Variants in SH2D4B observed in about 807,000 individuals in gnomAD.
SH2D4B encodes SH2 domain containing 4B, also known as SH2 domain-containing protein 4B.
SH2D4B carries 45 observed loss-of-function variants against 61.5 expected under a neutral mutation model. The observed-to-expected ratio is 0.73, with a 90% CI of 0.58 to 0.94. The LOEUF is 0.94. Ranked by LOEUF, SH2D4B falls within the 40% of genes least tolerant of loss-of-function variation. The pLI is 0.00. For synonymous variants in SH2D4B, 224 were observed against 220.4 expected, an observed-to-expected ratio of 1.02 and a Z score of -0.14; for missense variants, 572 against 574.2, an observed-to-expected ratio of 1.00 and a Z score of 0.04.
intron 7 of SH2D4B, among the ~76,000 whole-genome samples, chr10:80,637,151 T>C (rs1840196651): frequency 6.6e-6 from 1 of 152,180 alleles, no homozygotes; most frequent in African/African-American, 2.4e-5. Flanking sequence ...GGTCTATATC[T>C]CTGTTTTGGT....
At position 80,609,536 on chromosome 10, in the gene SH2D4B, G is replaced by A. The variant is rs527861608; in HGVS notation, c.973G>A (p.Ala325Thr). ...AGFERNTKFI[A>T]PWFHGIISRE... ...CTTCGAGAGGAACACCAAGTTCATCGCCCCCTGGTTCCATGGTAGCACCAT... is the reference window on the plus strand; with the variant it reads ...CTTCGAGAGGAACACCAAGTTCATCACCCCCTGGTTCCATGGTAGCACCAT... The change falls in exon 6 of 8, where the codon GCC becomes ACC. Residue 325 changes from alanine to threonine, a missense_variant. Coordinates refer to ENST00000646907, the MANE Select transcript of SH2D4B (RefSeq NM_001388272.1). 4.5e-5 allele frequency: 72 copies of A among 1,614,176 alleles called. No individual in the cohort carries two copies. Among genetic ancestry groups the A allele is most frequent in the Middle Eastern group, 1.7e-4 (1 of 6,060 alleles).
intron 4 of SH2D4B, among the ~76,000 whole-genome samples, chr10:80,600,529 G>A (rs975830654): frequency 3.4e-5 from 4 of 118,726 alleles, no homozygotes; most frequent in Non-Finnish European, 7.8e-5. Context: ...GCATGTGTGT[G>A]TGTGTGTGTG....
intron 3 of SH2D4B, among the ~76,000 whole-genome samples, chr10:80,580,585 TCTC>T (rs1263820182): frequency 2.6e-5 from 4 of 152,108 alleles, no homozygotes; most frequent in Admixed American, 1.3e-4. Context: ...GCAAGTCTGA[TCTC>T]CTCTCCCATC....
Position 80,606,513 on chromosome 10 carries a change from A to AT in SH2D4B, c.860+2724dup, listed in dbSNP as rs907736955. 1.3e-4 allele frequency among the ~76,000 whole-genome samples: 19 copies of AT among 151,912 alleles called. 1 individual carries two copies. The South Asian group carries it at 2.3e-3, about 18-fold the overall frequency. Reference sequence around the variant, plus strand: ...AGGCGCGCGCCAGTACACCCGGCTAATTTTTTGTATTTTTAGTAGAGATAG... The same window carrying AT: ...AGGCGCGCGCCAGTACACCCGGCTAATTTTTTTGTATTTTTAGTAGAGATAG... On this transcript the variant is annotated intron_variant, in intron 5 of 7. Transcript: ENST00000646907.
At chr10:80,577,616 C>T (rs184141860) in intron 3 of SH2D4B, among the ~76,000 whole-genome samples, 47 of 151,818 alleles carry the variant, frequency 3.1e-4, no homozygotes, top group Middle Eastern at 6.8e-3. Flanking sequence ...TTAGTAGAGA[C>T]GGGGTTTCAC....
chr10:80,596,659 A>G (rs1393314653), intron 4 of SH2D4B, among the ~76,000 whole-genome samples: 2 of 152,204 alleles, frequency 1.3e-5, no homozygotes, highest in African/African-American at 2.4e-5. Context: ...GGGCATTCCA[A>G]GGACTGCCGA....
intron 7 of SH2D4B, among the ~76,000 whole-genome samples, chr10:80,640,919 T>TC (rs1840280789): frequency 6.6e-6 from 1 of 152,240 alleles, no homozygotes; most frequent in South Asian, 2.1e-4. Context: ...TCTCCCCATC[T>TC]TTGTGGTTTT....
intron 1 of SH2D4B, among the ~76,000 whole-genome samples, chr10:80,556,328 T>C (rs1841837467): frequency 6.6e-6 from 1 of 152,236 alleles, no homozygotes; most frequent in Non-Finnish European, 1.5e-5. Flanking sequence ...TGGCTGTTGC[T>C]TTATGATAAA....
intron 5 of SH2D4B, among the ~76,000 whole-genome samples, chr10:80,604,401 G>T (rs1842491744): frequency 2.0e-5 from 3 of 152,142 alleles, no homozygotes; most frequent in Admixed American, 6.5e-5. Context: ...CTTTCTACCT[G>T]CCCCCACCTT....
chr10:80,544,015 G>C lies in SH2D4B; in HGVS notation c.184+5500G>C, dbSNP rs569510371. Among the ~76,000 whole-genome samples, 39 of 152,110 alleles carry C rather than the reference G, an allele frequency of 2.6e-4. No homozygotes were observed. The East Asian group carries it at 6.6e-3, about 26-fold the overall frequency. ...AGGATGTGGGTGGGGCCAGATAAGA[G>C]AATAAAAGCAGGCTGCCCAAGCCAG... is the stretch of plus-strand genomic sequence containing the variant. On this transcript the variant is annotated intron_variant, in intron 1 of 7. Transcript: ENST00000646907.
Position 80,538,322 on chromosome 10 carries a change from A to T in SH2D4B, c.-10A>T. On this transcript the variant is annotated 5_prime_UTR_variant, in exon 1 of 8. Transcript: ENST00000646907. This position sits in a 1 kb window ranked among gnomAD's most constrained non-coding sequence, Gnocchi z 4.8. Reference sequence around the variant, plus strand: ...GCTGCCCTTCTGGTGCGTGCATCCCAGGTGGCATCATGCTGCAGCAGATCC... The same window carrying T: ...GCTGCCCTTCTGGTGCGTGCATCCCTGGTGGCATCATGCTGCAGCAGATCC... 7.5e-7 allele frequency: 1 copy of T among 1,328,372 alleles called. No individual in the cohort carries two copies. Among genetic ancestry groups the T allele is most frequent in the Non-Finnish European group, 9.7e-7 (1 of 1,031,238 alleles). 82.3% of individuals were successfully genotyped at this position (1,328,372 alleles called of 1,614,324 possible).
chr10:80,573,147 G>T (rs1452084688), intron 3 of SH2D4B, among the ~76,000 whole-genome samples: 2 of 147,810 alleles, frequency 1.4e-5, no homozygotes. Flanking sequence ...ACCGCGCCCG[G>T]CTAATTTTTT....
chr10:80,547,363 A>G (rs574910702), intron 1 of SH2D4B, among the ~76,000 whole-genome samples: 1 of 151,958 alleles, frequency 6.6e-6, no homozygotes, highest in South Asian at 2.1e-4. Flanking sequence ...ATTTTCCTCA[A>G]CCTCCTTCTT....
chr10:80,627,087 G>A (rs2132156533), intron 6 of SH2D4B, among the ~76,000 whole-genome samples: 1 of 152,286 alleles, frequency 6.6e-6, no homozygotes, highest in South Asian at 2.1e-4. Context: ...ACAGGAGCCT[G>A]AGTGTGTCGT....
At chr10:80,546,048 T>C (rs1002652434) in intron 1 of SH2D4B, among the ~76,000 whole-genome samples, 4 of 143,004 alleles carry the variant, frequency 2.8e-5, no homozygotes, top group Admixed American at 2.8e-4. Flanking sequence ...CTCTCTTTCT[T>C]TTTTTTTTTT....
Position 80,588,713 on chromosome 10 carries a change from C to A in SH2D4B, c.579C>A (p.Thr193=). Residue 193 remains threonine (T), a synonymous_variant, in exon 4 of 8, where the codon ACC becomes ACA. Coordinates refer to ENST00000646907, the MANE Select transcript of SH2D4B (RefSeq NM_001388272.1). ...AGAGGGCGAAGGAGCTCTACTGGAC[C>A]CTGAAGCAGGCTCAGCTGCATTGCC... ...EEQRAKELYW[T]LKQAQLHCQA... is the part of the protein sequence containing the mutation. 6.2e-7 allele frequency: 1 copy of A among 1,614,050 alleles called. No homozygotes were observed. The highest frequency in any genetic ancestry group is 8.5e-7 in the Non-Finnish European group (1 of 1,180,032).
chr10:80,547,059 A>G (rs1841689578), intron 1 of SH2D4B, among the ~76,000 whole-genome samples: 1 of 152,218 alleles, frequency 6.6e-6, no homozygotes, highest in African/African-American at 2.4e-5. Flanking sequence ...AGGTTTTATA[A>G]TGAAATCCCA....
At chr10:80,579,547 C>T (rs568931684) in intron 3 of SH2D4B, among the ~76,000 whole-genome samples, 6 of 152,182 alleles carry the variant, frequency 3.9e-5, no homozygotes, top group South Asian at 4.1e-4. Flanking sequence ...TCTTCCACCC[C>T]GGGGTCCTGT....
At chr10:80,642,359 C>A (rs1277510735) in intron 7 of SH2D4B, among the ~76,000 whole-genome samples, 2 of 152,184 alleles carry the variant, frequency 1.3e-5, no homozygotes, top group Non-Finnish European at 2.9e-5. Context: ...TAGAATGAGG[C>A]TGCTGAGTTT....
Sources: gnomAD v4.1 joint callset for allele counts (sites outside exome capture counted in the v4.1 genomes callset) on GRCh38, gnomAD v4.1.1 for gene constraint, Gnocchi (gnomAD v3.1) non-coding constraint, MANE v1.5 for transcripts, NCBI Gene and HGNC (gene_info 2026-07-23, HGNC 2026-07-21) for gene names.